SLIT2: variants seen among roughly 807,000 people sequenced by gnomAD.
SLIT2 encodes the protein slit homolog 2 protein.
A neutral mutation model predicts 185.7 loss-of-function variants in SLIT2; 41 were observed. The ratio of observed to expected loss-of-function variants is 0.22; its 90% CI spans 0.17 to 0.29. SLIT2 has a LOEUF of 0.29. SLIT2 is among the 10% of genes least tolerant of loss of function. The pLI, the probability that SLIT2 is intolerant of heterozygous loss-of-function variation, is 1.00. For synonymous variants in SLIT2, 693 were observed against 680.2 expected, an observed-to-expected ratio of 1.02 and a Z score of -0.29; for missense variants, 1,571 against 1,909.0, an observed-to-expected ratio of 0.82 and a Z score of 3.30.
At chr4:20,269,203 G>C (rs1713344637) in intron 4 of SLIT2, among the ~76,000 whole-genome samples, 1 of 151,824 alleles carries the variant, frequency 6.6e-6, no homozygotes. Flanking sequence ...AATTGCTACT[G>C]TTTCCTCTTA....
intron 4 of SLIT2, among the ~76,000 whole-genome samples, chr4:20,318,350 A>G (rs771913873): frequency 2.0e-5 from 3 of 152,264 alleles, no homozygotes; most frequent in East Asian, 3.9e-4. Context: ...CTGAATTTGC[A>G]TTTCTTATTT....
intron 30 of SLIT2, among the ~76,000 whole-genome samples, chr4:20,590,844 A>G (rs1727461218): frequency 6.6e-6 from 1 of 152,236 alleles, no homozygotes; most frequent in Admixed American, 6.5e-5. Context: ...TTGACTGTCC[A>G]GAGATCTTAA....
chr4:20,274,274 A>G (rs527250993), intron 4 of SLIT2, among the ~76,000 whole-genome samples: 1 of 152,260 alleles, frequency 6.6e-6, no homozygotes, highest in Non-Finnish European at 1.5e-5. Context: ...GGCCCAAGGG[A>G]CTATGTTTTT....
At chr4:20,558,290 T>A (rs1306350605) in intron 26 of SLIT2, among the ~76,000 whole-genome samples, 1 of 151,968 alleles carries the variant, frequency 6.6e-6, no homozygotes, top group Non-Finnish European at 1.5e-5. Context: ...AAATTCATTG[T>A]TGTCTTATTT....
chr4:20,574,779 T>A lies in SLIT2; in HGVS notation c.3088+5775T>A, dbSNP rs1386452560. On this transcript the variant is annotated intron_variant, in intron 29 of 36. Transcript: ENST00000504154. ...TGCAGCCTGGGCAAGAGAGTGAGAC[T>A]CGCTTTCAAAAAAAAAAAAAAAAAA... Among the ~76,000 whole-genome samples the A allele has an allele frequency of 3.2e-5, 4 of 123,612 alleles. No homozygotes were observed. In the East Asian group the frequency reaches 1.1e-3, roughly 34 times the overall value. The allele number at this position is 123,612 out of a possible 152,430, so 81.1% of individuals were successfully genotyped here. A position where few individuals can be genotyped will look rare whatever the true frequency, so the allele number is the denominator to read the frequency against.
At position 20,568,988 on chromosome 4, in the gene SLIT2, C is replaced by T. The variant is rs1206736695; in HGVS notation, c.3072C>T (p.Cys1024=). The T allele has an allele frequency of 6.2e-7, 1 of 1,612,126 alleles. No homozygotes were observed. Among genetic ancestry groups the T allele is most frequent in the Admixed American group, 1.7e-5 (1 of 59,964 alleles). ...VDGINNYTCL[C]PPEYTGELCE... is the part of the protein sequence containing the mutation. ...GCATTAATAACTACACATGCCTTTG[C>T]CCACCTGAGTATACAGGTACAAATA... The change falls in exon 29 of 37, where the codon TGC becomes TGT. Residue 1024 remains cysteine (C), a synonymous_variant. Transcript: ENST00000504154.
intron 4 of SLIT2, among the ~76,000 whole-genome samples, chr4:20,307,811 A>G (rs1717724405): frequency 6.6e-6 from 1 of 152,156 alleles, no homozygotes; most frequent in Non-Finnish European, 1.5e-5. Flanking sequence ...CATGAATCTC[A>G]CAGGCAGTAA....
intron 29 of SLIT2, among the ~76,000 whole-genome samples, chr4:20,571,381 G>A (rs1725593697): frequency 6.6e-6 from 1 of 152,186 alleles, no homozygotes; most frequent in Non-Finnish European, 1.5e-5. Flanking sequence ...GCCATGAAGA[G>A]TTTGACAATT....
chr4:20,603,849 A>T lies in SLIT2; in HGVS notation c.3692+5454A>T, dbSNP rs372673501. Among the ~76,000 whole-genome samples the T allele has an allele frequency of 2.0e-5, 3 of 152,352 alleles. 1 individual carries two copies. The South Asian group carries it at 6.2e-4, about 32-fold the overall frequency. On this transcript the variant is annotated intron_variant, in intron 33 of 36. Coordinates refer to ENST00000504154, the MANE Select transcript of SLIT2 (RefSeq NM_004787.4). The stretch of plus-strand genomic sequence containing the variant: ...CTTTGTATCTGAGAAGTTCAGTCTC[A>T]TTGGGGAGACAGAGAGTAGACAGAA...
chr4:20,472,535 T>G (rs1272932553), intron 5 of SLIT2, among the ~76,000 whole-genome samples: 2 of 26,640 alleles, frequency 7.5e-5, no homozygotes, highest in South Asian at 1.7e-3. Flanking sequence ...TATATATAGA[T>G]ATATCTATAT....
chr4:20,534,904 G>A (rs1362174841), intron 18 of SLIT2, among the ~76,000 whole-genome samples: 4 of 152,160 alleles, frequency 2.6e-5, no homozygotes, highest in African/African-American at 7.2e-5. Context: ...CCTGAAACCT[G>A]ACCACCCAGC....
intron 4 of SLIT2, among the ~76,000 whole-genome samples, chr4:20,289,456 G>A (rs1369970370): frequency 6.6e-6 from 1 of 152,136 alleles, no homozygotes; most frequent in Non-Finnish European, 1.5e-5. Flanking sequence ...CTAGACTCCA[G>A]TTTTCTATTT....
chr4:20,449,839 A>G lies in SLIT2; in HGVS notation c.396-17913A>G, dbSNP rs967031815. ...TATGGGGAAAACTCAAGAGGTATGAAAGCTGGAGTACTTACATTAAAAAGT... is the reference window on the plus strand; with the variant it reads ...TATGGGGAAAACTCAAGAGGTATGAGAGCTGGAGTACTTACATTAAAAAGT... On this transcript the variant is annotated intron_variant, in intron 4 of 36. Coordinates refer to ENST00000504154, the MANE Select transcript of SLIT2 (RefSeq NM_004787.4). Among the ~76,000 whole-genome samples, 18 of 152,232 alleles carry G rather than the reference A, an allele frequency of 1.2e-4. 1 individual carries two copies. The highest frequency in any genetic ancestry group is 7.9e-4 in the Admixed American group (12 of 15,286).
intron 4 of SLIT2, among the ~76,000 whole-genome samples, chr4:20,439,905 T>A (rs1219999609): frequency 6.6e-6 from 1 of 152,222 alleles, no homozygotes; most frequent in South Asian, 2.1e-4. Context: ...AAAGACATCA[T>A]AGAGTTAAGA....
At chr4:20,588,816 C>T (rs983375619) in intron 29 of SLIT2, among the ~76,000 whole-genome samples, 20 of 152,118 alleles carry the variant, frequency 1.3e-4, no homozygotes, top group Admixed American at 1.1e-3. Flanking sequence ...CGTGGTTATG[C>T]CTTCAGCTCT....
In SLIT2 at chr4:20,253,688, A is replaced by G; in HGVS notation, c.-128A>G. On this transcript the variant is annotated 5_prime_UTR_variant, in exon 1 of 37. Transcript: ENST00000504154. ...TGCCTTGTTCCATATTATTTGGTGCACATTTTCCCTGGCACTCTGGGTTGC... is the reference window on the plus strand; with the variant it reads ...TGCCTTGTTCCATATTATTTGGTGCGCATTTTCCCTGGCACTCTGGGTTGC... 9.0e-7 allele frequency: 1 copy of G among 1,110,436 alleles called. No homozygotes were observed. Among genetic ancestry groups the G allele is most frequent in the Non-Finnish European group, 1.3e-6 (1 of 770,538 alleles). 68.8% of individuals were successfully genotyped at this position (1,110,436 alleles called of 1,614,324 possible).
intron 4 of SLIT2, among the ~76,000 whole-genome samples, chr4:20,347,837 C>A (rs1423895052): frequency 6.6e-6 from 1 of 152,120 alleles, no homozygotes; most frequent in Admixed American, 6.6e-5. Flanking sequence ...CTCATAGATA[C>A]CCAGGGACTT....
At chr4:20,293,553 G>A (rs370236752) in intron 4 of SLIT2, among the ~76,000 whole-genome samples, 13 of 152,148 alleles carry the variant, frequency 8.5e-5, no homozygotes, top group Non-Finnish European at 1.5e-4. Context: ...AGTTCTTAAC[G>A]CGTAGTAATG....
chr4:20,291,588 T>C, intron 4 of SLIT2, among the ~76,000 whole-genome samples: 1 of 149,118 alleles, frequency 6.7e-6, no homozygotes, highest in East Asian at 2.0e-4. Context: ...AAATTTTCTG[T>C]TTAAGTTCTA....
Sources: allele counts gnomAD v4.1 joint callset (sites outside exome capture counted in the v4.1 genomes callset), GRCh38; gene constraint gnomAD v4.1.1; transcripts MANE v1.5; gene names NCBI Gene and HGNC (gene_info 2026-07-23, HGNC 2026-07-21).